Variants in NTRK3 observed in about 807,000 individuals in gnomAD.
The protein encoded by NTRK3 is neurotrophic receptor tyrosine kinase 3, also known as NT-3 growth factor receptor.
A neutral mutation model predicts 91.7 loss-of-function variants in NTRK3; 24 were observed. That is an observed-to-expected ratio of 0.26 (90% CI 0.19 to 0.37). The LOEUF (loss-of-function observed/expected upper bound fraction) is 0.37. NTRK3 is among the 10% of genes least tolerant of loss of function. NTRK3 has a pLI of 1.00. For missense variants in NTRK3, 880 were observed against 1,068.9 expected, an observed-to-expected ratio of 0.82 and a Z score of 2.46; for synonymous variants, 483 against 404.0, an observed-to-expected ratio of 1.20 and a Z score of -2.34.
At chr15:88,133,372 C>A (rs78325314) in intron 10 of NTRK3, among the ~76,000 whole-genome samples, 2,046 of 152,212 alleles carry the variant, frequency 0.013, 22 homozygotes, top group East Asian at 0.063. Context: ...TGCTGCTACC[C>A]CACACCTCTC....
chr15:88,126,322 G>C (rs200206241), exon 13 of NTRK3: 158 of 1,613,912 alleles, frequency 9.8e-5, no homozygotes, highest in Non-Finnish European at 1.6e-5. Context: ...ATGACGAAGA[G>C]AACCACCAAC....
intron 14 of NTRK3, among the ~76,000 whole-genome samples, chr15:88,031,048 C>A (rs981551726): frequency 6.6e-6 from 1 of 152,158 alleles, no homozygotes; most frequent in Non-Finnish European, 1.5e-5. Flanking sequence ...GTTAGATAAG[C>A]TTTGCTCAGG....
At chr15:87,861,215 T>C (rs1258850454) in exon 19 of NTRK3, 6 of 218,822 alleles carry the variant, frequency 2.7e-5, no homozygotes, top group Non-Finnish European at 5.5e-5. Context: ...TACATATACT[T>C]AGTACAGAAG....
chr15:88,158,148 G>A (rs1406627549), intron 5 of NTRK3, among the ~76,000 whole-genome samples: 1 of 152,212 alleles, frequency 6.6e-6, no homozygotes, highest in Non-Finnish European at 1.5e-5. Context: ...GAGCTGTGGT[G>A]AGGATTAAAT....
intron 13 of NTRK3, among the ~76,000 whole-genome samples, chr15:88,076,490 T>G (rs896476744): frequency 3.9e-5 from 6 of 152,120 alleles, no homozygotes; most frequent in Non-Finnish European, 8.8e-5. Flanking sequence ...GTGCACCAGA[T>G]GAGGCTTCTT....
intron 13 of NTRK3, among the ~76,000 whole-genome samples, chr15:88,058,616 T>A (rs963155674): frequency 1.3e-5 from 2 of 152,090 alleles, no homozygotes; most frequent in African/African-American, 4.8e-5. Context: ...CATGCCCCAA[T>A]GCCCGTTCCT....
At chr15:88,191,986 A>T (rs1364659848) in intron 3 of NTRK3, among the ~76,000 whole-genome samples, 2 of 152,218 alleles carry the variant, frequency 1.3e-5, no homozygotes, top group Admixed American at 1.3e-4. Context: ...ACGTTAGCAC[A>T]CAAGCCTACA....
chr15:88,035,551 T>C (rs2079000714), intron 13 of NTRK3, among the ~76,000 whole-genome samples: 1 of 152,190 alleles, frequency 6.6e-6, no homozygotes, highest in Non-Finnish European at 1.5e-5. Flanking sequence ...TCAAGCTCAT[T>C]CTGTGATCAT....
exon 15 of NTRK3, chr15:87,940,666 T>C (rs760579249): frequency 3.1e-6 from 5 of 1,614,012 alleles, no homozygotes; most frequent in Non-Finnish European, 3.4e-6. Flanking sequence ...GCTGAGGTTG[T>C]AGCACTCGGC....
chr15:88,187,713 C>T (rs2047055991), intron 3 of NTRK3, among the ~76,000 whole-genome samples: 1 of 152,026 alleles, frequency 6.6e-6, no homozygotes, highest in African/African-American at 2.4e-5. Context: ...GCGGGTGGAT[C>T]ATTCATGGTC....
At chr15:88,198,116 A>G (rs1011066574) in intron 3 of NTRK3, among the ~76,000 whole-genome samples, 7 of 152,208 alleles carry the variant, frequency 4.6e-5, no homozygotes, top group African/African-American at 1.7e-4. Flanking sequence ...CAAAAAGAAA[A>G]GCAATCCTCG....
chr15:88,089,574 T>C (rs1193450440), intron 13 of NTRK3, among the ~76,000 whole-genome samples: 3 of 152,326 alleles, frequency 2.0e-5, no homozygotes, highest in African/African-American at 7.2e-5. Flanking sequence ...TATTAATAAG[T>C]AGCAAAAGTA....
At chr15:87,906,961 A>G (rs1295261939) in intron 17 of NTRK3, among the ~76,000 whole-genome samples, 1 of 152,234 alleles carries the variant, frequency 6.6e-6, no homozygotes, top group African/African-American at 2.4e-5. Context: ...ACAATAACTC[A>G]GGATACATGG....
chr15:88,256,511 G>T, intron 1 of NTRK3, 25 bp from the exon 2 acceptor site: 1 of 502,260 alleles, frequency 2.0e-6, no homozygotes, highest in South Asian at 3.6e-5. Flanking sequence ...AACAGACGGT[G>T]GGGAGGCAAA....
chr15:88,131,185 GAATGCACTATATC>G (rs1250307652), intron 10 of NTRK3, among the ~76,000 whole-genome samples: 1 of 152,156 alleles, frequency 6.6e-6, no homozygotes, highest in Non-Finnish European at 1.5e-5. Flanking sequence ...GTTCCCTTTG[GAATGCACTATATC>G]AATACTACAC....
At chr15:88,256,402 T>G in exon 2 of NTRK3, 2 of 577,082 alleles carry the variant, frequency 3.5e-6, no homozygotes, top group East Asian at 3.0e-5. Flanking sequence ...TGGCGCGGTC[T>G]GCCGGGCATG....
chr15:88,065,235 T>A (rs2046546391), intron 13 of NTRK3, among the ~76,000 whole-genome samples: 1 of 152,160 alleles, frequency 6.6e-6, no homozygotes, highest in African/African-American at 2.4e-5. Flanking sequence ...GTCCACAGGA[T>A]CATGGTCCTA....
At chr15:88,230,430 A>G (rs2051081831) in intron 3 of NTRK3, among the ~76,000 whole-genome samples, 1 of 152,188 alleles carries the variant, frequency 6.6e-6, no homozygotes, top group Admixed American at 6.5e-5. Flanking sequence ...TGACTATTGC[A>G]AGAAGGGCCC....
chr15:88,206,594 C>G (rs1387484982), intron 3 of NTRK3, among the ~76,000 whole-genome samples: 1 of 145,456 alleles, frequency 6.9e-6, no homozygotes, highest in Non-Finnish European at 1.5e-5. Flanking sequence ...GGAGGCGGAG[C>G]TTGCAGTGAG....
Sources: gnomAD v4.1 joint callset for allele counts (sites outside exome capture counted in the v4.1 genomes callset) on GRCh38, gnomAD v4.1.1 for gene constraint, MANE v1.5 for transcripts, NCBI Gene and HGNC (gene_info 2026-07-23, HGNC 2026-07-21) for gene names.